SYNE1: variants seen among roughly 807,000 people sequenced by gnomAD.
The protein encoded by SYNE1 is spectrin repeat containing nuclear envelope protein 1.
A neutral mutation model predicts 1,111.0 loss-of-function variants in SYNE1; 616 were observed. The ratio of observed to expected loss-of-function variants is 0.55; its 90% confidence interval spans 0.52 to 0.59. The LOEUF is 0.59. Among genes scored for constraint, SYNE1 ranks in the 20% least tolerant of loss-of-function variants. The pLI is 0.00. For synonymous variants in SYNE1, 3,855 were observed against 3,825.8 expected, an observed-to-expected ratio of 1.01 and a Z score of -0.28; for missense variants, 10,006 against 10,417.0, an observed-to-expected ratio of 0.96 and a Z score of 1.72.
chr6:152,439,051 T>C (rs1415048677), intron 32 of SYNE1, among the ~76,000 whole-genome samples: 6 of 152,224 alleles, frequency 3.9e-5, no homozygotes, highest in Non-Finnish European at 8.8e-5. Flanking sequence ...TTGATAATGA[T>C]ACCTATTTCT....
intron 34 of SYNE1, 99 bp from the exon 35 acceptor site, chr6:152,430,808 A>G: frequency 1.7e-6 from 2 of 1,163,824 alleles, no homozygotes; most frequent in Non-Finnish European, 2.5e-6. Flanking sequence ...TTCTTAACTG[A>G]TATTTGAAGA....
intron 3 of SYNE1, among the ~76,000 whole-genome samples, chr6:152,596,643 C>T (rs1205444926): frequency 6.6e-6 from 1 of 152,026 alleles, no homozygotes; most frequent in Non-Finnish European, 1.5e-5. Flanking sequence ...GTGTTCACTG[C>T]TAACTTTCAA....
At chr6:152,329,583 C>A in intron 78 of SYNE1, 147 bp downstream of exon 78, 1 of 1,053,764 alleles carries the variant, frequency 9.5e-7, no homozygotes, top group South Asian at 1.5e-5. Context: ...TTAAAATAAC[C>A]ATTTAAGTCA....
At chr6:152,492,944 CCCCATCTG>C (rs1435703501) in intron 11 of SYNE1, among the ~76,000 whole-genome samples, 2 of 152,162 alleles carry the variant, frequency 1.3e-5, no homozygotes, top group East Asian at 3.9e-4. Context: ...TTTTAGTTAT[CCCCATCTG>C]CCCAGTTCCC....
chr6:152,367,418 C>A (rs745540968), intron 61 of SYNE1, 36 bp from the exon 62 acceptor site: 1 of 1,610,772 alleles, frequency 6.2e-7, no homozygotes, highest in Non-Finnish European at 8.5e-7. Flanking sequence ...AGCTGTCCAT[C>A]CCACAGAGAC....
rs1480728966 is a variant in SYNE1 at position 152,168,938 on chromosome 6, ACT to A, written c.23628-4615_23628-4614del. Among the ~76,000 whole-genome samples the A allele has an allele frequency of 8.6e-4, 131 of 152,110 alleles. 1 individual carries two copies. Among genetic ancestry groups the A allele is most frequent in the Admixed American group, 8.5e-3 (130 of 15,262 alleles). The stretch of plus-strand genomic sequence containing the variant: ...CATTTGCTCAGGGGGTCTTCAGGTA[ACT>A]CTTTTTCTTTTGTGAATTTCAAGAG... On this transcript the variant is annotated intron_variant, in intron 130 of 145. Coordinates refer to ENST00000367255, the MANE Select transcript of SYNE1 (RefSeq NM_182961.4).
intron 100 of SYNE1, among the ~76,000 whole-genome samples, chr6:152,266,593 G>A (rs2153667523): frequency 6.6e-6 from 1 of 152,216 alleles, no homozygotes; most frequent in East Asian, 1.9e-4. Context: ...TACAGTTTTA[G>A]GGTTATTTAA....
intron 8 of SYNE1, among the ~76,000 whole-genome samples, chr6:152,507,225 T>A (rs371235485): frequency 1.3e-5 from 2 of 152,178 alleles, no homozygotes; most frequent in South Asian, 2.1e-4. Flanking sequence ...GTTTTTTATC[T>A]TGTTAAGCCA....
intron 117 of SYNE1, 41 bp from the exon 118 acceptor site, chr6:152,221,600 T>C (rs1172476536): frequency 6.2e-7 from 1 of 1,612,128 alleles, no homozygotes; most frequent in Admixed American, 1.7e-5. Flanking sequence ...TAACAGGATC[T>C]AAATTCTAAT....
chr6:152,531,124 C>G (rs4509131), intron 4 of SYNE1, among the ~76,000 whole-genome samples: 98,897 of 151,940 alleles, frequency 0.65, 32,854 homozygotes, highest in African/African-American at 0.76. Flanking sequence ...TGCAAGTGTA[C>G]TGATGCTGTC....
At position 152,201,691 on chromosome 6, in the gene SYNE1, C is replaced by T. The variant is rs967457560; in HGVS notation, c.23145+133G>A. The stretch of plus-strand genomic sequence containing the variant: ...AGCCATACAAGTTTCACCTGAGTTG[C>T]CTGTCCTTATGTCATATACTAGGAT... On this transcript the variant is annotated intron_variant, in intron 127 of 145. Coordinates refer to ENST00000367255, the MANE Select transcript of SYNE1 (RefSeq NM_182961.4). 5 of 1,331,632 alleles carry T rather than the reference C, an allele frequency of 3.8e-6. No homozygotes were observed. The Admixed American group carries it at 7.0e-5, about 19-fold the overall frequency. The allele number at this position is 1,331,632 out of a possible 1,614,324, so 82.5% of individuals were successfully genotyped here. A position where few individuals can be genotyped will look rare whatever the true frequency, so the allele number is the denominator to read the frequency against.
At chr6:152,233,725 C>G in intron 112 of SYNE1, 56 bp downstream of exon 112, 1 of 1,603,542 alleles carries the variant, frequency 6.2e-7, no homozygotes, top group Non-Finnish European at 8.5e-7. Context: ...TAATGTATTT[C>G]TCCATGTCAA....
chr6:152,542,403 T>C (rs1467477550), intron 3 of SYNE1, among the ~76,000 whole-genome samples: 1 of 152,200 alleles, frequency 6.6e-6, no homozygotes, highest in African/African-American at 2.4e-5. Context: ...AACAAATTGG[T>C]ATAAAAATAA....
chr6:152,576,894 A>G (rs531644557), intron 3 of SYNE1, among the ~76,000 whole-genome samples: 1 of 152,364 alleles, frequency 6.6e-6, no homozygotes, highest in African/African-American at 2.4e-5. Flanking sequence ...ATTGAGCACT[A>G]ACAAAAGATA....
At chr6:152,634,840 T>C (rs747038433) in intron 2 of SYNE1, among the ~76,000 whole-genome samples, 28 of 152,244 alleles carry the variant, frequency 1.8e-4, no homozygotes, top group Non-Finnish European at 3.2e-4. Flanking sequence ...TTGCCAAACA[T>C]TAGTTCTCGT....
chr6:152,491,316 G>T (rs191744759), intron 11 of SYNE1, among the ~76,000 whole-genome samples: 6 of 152,050 alleles, frequency 3.9e-5, no homozygotes, highest in Admixed American at 2.0e-4. Flanking sequence ...CATTCCCTTG[G>T]TGGCAAATCA....
intron 3 of SYNE1, 37 bp from the exon 4 acceptor site, chr6:152,540,058 A>G: frequency 3.1e-6 from 5 of 1,594,246 alleles, no homozygotes; most frequent in Non-Finnish European, 4.3e-6. Flanking sequence ...ATAATGTAAT[A>G]TTTCATGAAG....
intron 3 of SYNE1, among the ~76,000 whole-genome samples, chr6:152,624,626 G>C (rs1179712297): frequency 2.0e-5 from 3 of 152,054 alleles, no homozygotes; most frequent in Non-Finnish European, 2.9e-5. Context: ...TGCTTTTACG[G>C]TTATATTTAA....
intron 95 of SYNE1, among the ~76,000 whole-genome samples, chr6:152,285,995 A>G (rs2094305664): frequency 6.6e-6 from 1 of 152,210 alleles, no homozygotes; most frequent in African/African-American, 2.4e-5. Context: ...ATAGTTTCCA[A>G]TGTGCCCTTA....
Sources: gnomAD v4.1 joint callset for allele counts (sites outside exome capture counted in the v4.1 genomes callset) on GRCh38, gnomAD v4.1.1 for gene constraint, MANE v1.5 for transcripts, NCBI Gene and HGNC (gene_info 2026-07-23, HGNC 2026-07-21) for gene names.